The following MID1 variants were observed in gnomAD, a reference collection of about 807,000 sequenced individuals.
The protein encoded by MID1 is midline 1, also known as E3 ubiquitin-protein ligase Midline-1.
MID1 carries 7 observed loss-of-function variants against 40.4 expected under a neutral mutation model. The ratio of observed to expected loss-of-function variants is 0.17; its 90% CI spans 0.10 to 0.33. MID1 has a LOEUF of 0.33. Ranked by LOEUF, MID1 falls within the 10% of genes least tolerant of loss-of-function variation. The pLI is 1.00. For missense variants in MID1, 367 were observed against 558.5 expected, an observed-to-expected ratio of 0.66 and a Z score of 3.46; for synonymous variants, 229 against 221.2, an observed-to-expected ratio of 1.04 and a Z score of -0.31.
chrX:10,512,132 A>G (rs776240767), intron 3 of MID1, among the ~76,000 whole-genome samples: 2 of 112,576 alleles, frequency 1.8e-5, no homozygotes, highest in Non-Finnish European at 3.7e-5. Context: ...AAACAAATTT[A>G]TCATCTCAAA....
intron 4 of MID1, among the ~76,000 whole-genome samples, chrX:10,489,340 T>C (rs1218517893): frequency 3.6e-5 from 4 of 112,427 alleles, no homozygotes; most frequent in Non-Finnish European, 7.5e-5. Flanking sequence ...CCACGTTTTC[T>C]TCTAGGAGTT....
intron 8 of MID1, among the ~76,000 whole-genome samples, chrX:10,457,528 C>T (rs1928753534): frequency 8.9e-6 from 1 of 112,344 alleles, no homozygotes; most frequent in African/African-American, 3.2e-5. Context: ...CCGTTGTTTA[C>T]TTACATGGAC....
chrX:10,490,472 T>TG (rs1930884188), intron 4 of MID1, among the ~76,000 whole-genome samples: 1 of 111,762 alleles, frequency 8.9e-6, no homozygotes, highest in Admixed American at 9.5e-5. Flanking sequence ...CCTCCTACTC[T>TG]GGGATCATAT....
At chrX:10,507,688 T>A (rs996707507) in intron 3 of MID1, among the ~76,000 whole-genome samples, 1 of 112,150 alleles carries the variant, frequency 8.9e-6, no homozygotes, top group Non-Finnish European at 1.9e-5. Context: ...ACAGAAACCA[T>A]CTTTCTCTGG....
At chrX:10,788,473 G>T (rs1039514343) in intron 1 of MID1, among the ~76,000 whole-genome samples, 1 of 111,271 alleles carries the variant, frequency 9.0e-6, no homozygotes, top group African/African-American at 3.3e-5. Flanking sequence ...TCAGGGAGAA[G>T]AATGAAGCAC....
chrX:10,778,011 C>T (rs1043988599), intron 1 of MID1, among the ~76,000 whole-genome samples: 4 of 111,279 alleles, frequency 3.6e-5, no homozygotes, highest in African/African-American at 1.3e-4. Context: ...CCTGAAGGAC[C>T]TGCCTAAGGC....
intron 3 of MID1, among the ~76,000 whole-genome samples, chrX:10,507,827 C>G (rs1023359766): frequency 1.7e-4 from 19 of 112,686 alleles, no homozygotes; most frequent in Admixed American, 4.7e-4. Context: ...CCACACACAT[C>G]TTCATTCAGT....
chrX:10,645,811 C>G (rs1936255536), intron 1 of MID1, among the ~76,000 whole-genome samples: 1 of 111,742 alleles, frequency 8.9e-6, no homozygotes, highest in African/African-American at 3.3e-5. Context: ...TACCTTGAGG[C>G]TTTTCTGACA....
At chrX:10,755,786 G>A (rs1254847482) in intron 1 of MID1, among the ~76,000 whole-genome samples, 1 of 111,887 alleles carries the variant, frequency 8.9e-6, no homozygotes, top group Non-Finnish European at 1.9e-5. Flanking sequence ...GAACAGCCCG[G>A]GGAACTGAGA....
chrX:10,794,151 T>C (rs1025257343), intron 1 of MID1, among the ~76,000 whole-genome samples: 1 of 112,112 alleles, frequency 8.9e-6, no homozygotes, highest in Non-Finnish European at 1.9e-5. Flanking sequence ...TTTTGCTAAA[T>C]GATGAAAGAT....
intron 1 of MID1, among the ~76,000 whole-genome samples, chrX:10,808,081 G>C (rs1386440397): frequency 8.9e-6 from 1 of 112,603 alleles, no homozygotes; most frequent in East Asian, 2.8e-4. Context: ...ACAAGATTGG[G>C]TTCCTGTCAG....
chrX:10,805,055 T>G (rs1001222456), intron 1 of MID1, among the ~76,000 whole-genome samples: 5 of 110,567 alleles, frequency 4.5e-5, no homozygotes, highest in Admixed American at 9.7e-5. Context: ...TTTTTTTTGT[T>G]GTTGTTGTTG....
rs1360715026 is a variant in MID1 at position 10,449,679 on chromosome X, G to T, written c.1693C>A (p.His565Asn). The T allele has an allele frequency of 1.7e-6, 2 of 1,211,213 alleles. No homozygotes were observed. Among genetic ancestry groups the T allele is most frequent in the South Asian group, 1.8e-5 (1 of 56,921 alleles). ...IGLAYKSAPKHEWIGKNSASW... is the reference protein window; with the variant it reads ...IGLAYKSAPKNEWIGKNSASW... ...GCAGAGTTCTTCCCAATCCATTCATGCTTCGGGGCTGATTTGTAAGCAAGA... is the reference window on the plus strand; with the variant it reads ...GCAGAGTTCTTCCCAATCCATTCATTCTTCGGGGCTGATTTGTAAGCAAGA... Residue 565 changes from histidine (H) to asparagine (N), a missense_variant, in exon 10 of 10, where the codon CAT becomes AAT. Coordinates refer to ENST00000317552, the MANE Select transcript of MID1 (RefSeq NM_000381.4).
chrX:10,717,412 CAG>C (rs2043313350), intron 1 of MID1, among the ~76,000 whole-genome samples: 1 of 106,186 alleles, frequency 9.4e-6, no homozygotes. Context: ...TCTGATAAAA[CAG>C]ACTTTAAACC....
At chrX:10,471,694 G>A (rs1181318267) in intron 6 of MID1, among the ~76,000 whole-genome samples, 1 of 111,799 alleles carries the variant, frequency 8.9e-6, no homozygotes, top group Non-Finnish European at 1.9e-5. Context: ...GGTCCCTGTT[G>A]GTGTGGGATC....
rs928944982 is a variant in MID1 at position 10,548,760 on chromosome X, G to C, written c.660+18128C>G. Among the ~76,000 whole-genome samples the C allele has an allele frequency of 4.5e-5, 5 of 111,857 alleles. No homozygotes were observed. In the Admixed American group the frequency reaches 4.7e-4, roughly 11 times the overall value. On this transcript the variant is annotated intron_variant, in intron 2 of 9. Coordinates refer to ENST00000317552, the MANE Select transcript of MID1 (RefSeq NM_000381.4). ...ACACATAACTCTCCACATTAATTGTGATGGCTTTCTTTCCACTTCTTCAGC... is the reference window on the plus strand; with the variant it reads ...ACACATAACTCTCCACATTAATTGTCATGGCTTTCTTTCCACTTCTTCAGC...
At chrX:10,559,814 C>T (rs1408334990) in intron 2 of MID1, among the ~76,000 whole-genome samples, 2 of 110,846 alleles carry the variant, frequency 1.8e-5, no homozygotes, top group African/African-American at 6.5e-5. Context: ...TTCATATTAC[C>T]TTAATTAATT....
chrX:10,492,859 C>A (rs1253415936), intron 4 of MID1, among the ~76,000 whole-genome samples: 1 of 112,029 alleles, frequency 8.9e-6, no homozygotes, highest in Non-Finnish European at 1.9e-5. Flanking sequence ...TTCTTTATTA[C>A]TGACATGTAT....
intron 1 of MID1, among the ~76,000 whole-genome samples, chrX:10,668,108 G>A (rs1034007408): frequency 3.6e-5 from 4 of 111,588 alleles, no homozygotes; most frequent in Non-Finnish European, 7.5e-5. Flanking sequence ...ACATCATTCT[G>A]TGACCCACCC....
Sources: allele counts gnomAD v4.1 joint callset (sites outside exome capture counted in the v4.1 genomes callset), GRCh38; gene constraint gnomAD v4.1.1; transcripts MANE v1.5; gene names NCBI Gene and HGNC (gene_info 2026-07-23, HGNC 2026-07-21).